NSG1: variants seen among roughly 807,000 people sequenced by gnomAD.
NSG1 encodes neuronal vesicle trafficking associated 1.
NSG1 carries 9 observed loss-of-function variants against 19.3 expected under a neutral mutation model. That is an observed-to-expected ratio of 0.47 (90% CI 0.28 to 0.81). The LOEUF (loss-of-function observed/expected upper bound fraction) is 0.81, where lower values mean the gene tolerates loss of function less well. Ranked by LOEUF, NSG1 falls within the 40% of genes least tolerant of loss-of-function variation. NSG1 has a pLI of 0.11. For synonymous variants in NSG1, 104 were observed against 107.0 expected, an observed-to-expected ratio of 0.97 and a Z score of 0.17; for missense variants, 236 against 242.4, an observed-to-expected ratio of 0.97 and a Z score of 0.18.
intron 4 of NSG1, among the ~76,000 whole-genome samples, chr4:4,416,706 C>G (rs1000101417): frequency 7.9e-5 from 12 of 152,030 alleles, no homozygotes; most frequent in African/African-American, 2.2e-4. Flanking sequence ...CTTCCCAGCC[C>G]CTAGTCATGA....
intron 4 of NSG1, among the ~76,000 whole-genome samples, chr4:4,411,786 A>ACACAACACAACACAAAACAAAACAC (rs1553819761): frequency 7.0e-6 from 1 of 141,936 alleles, no homozygotes; most frequent in Non-Finnish European, 1.6e-5. Context: ...AACAAAACAA[A>ACACAACACAACACAAAACAAAACAC]ACAAAACATT....
chr4:4,411,766 A>ACACAAC (rs1560147679), intron 4 of NSG1, among the ~76,000 whole-genome samples: 2 of 112,194 alleles, frequency 1.8e-5, no homozygotes, highest in African/African-American at 1.2e-4. Flanking sequence ...AACAAAACAA[A>ACACAAC]ACAAAACAAA....
chr4:4,415,821 T>G (rs1326307666), intron 4 of NSG1: 8 of 397,102 alleles, frequency 2.0e-5, no homozygotes, highest in Non-Finnish European at 3.7e-5. Flanking sequence ...CCCTGAGGGA[T>G]GACGAGCAGC....
chr4:4,401,251 C>CAG, intron 3 of NSG1, among the ~76,000 whole-genome samples: 1 of 152,236 alleles, frequency 6.6e-6, no homozygotes, highest in African/African-American at 2.4e-5. Context: ...TGGTAGGCAT[C>CAG]TGTCCTTCAG....
At chr4:4,416,168 G>T (rs2093987083) in intron 4 of NSG1, 1 of 702,324 alleles carries the variant, frequency 1.4e-6, no homozygotes, top group Non-Finnish European at 2.6e-6. Context: ...AGGGACCTGA[G>T]ATTGAGAGAG....
chr4:4,402,047 ATTT>A (rs35299425), intron 3 of NSG1, among the ~76,000 whole-genome samples: 1,821 of 122,304 alleles, frequency 0.015, 31 homozygotes, highest in African/African-American at 0.044. Flanking sequence ...TGCCCAGCTA[ATTT>A]TTTTTTTTTT....
At chr4:4,413,956 G>C (rs1375174574) in intron 4 of NSG1, among the ~76,000 whole-genome samples, 4 of 152,096 alleles carry the variant, frequency 2.6e-5, no homozygotes, top group African/African-American at 9.7e-5. Context: ...ATGTCATGGA[G>C]AGGGAGCACG....
intron 4 of NSG1, among the ~76,000 whole-genome samples, chr4:4,415,307 G>A (rs1468746111): frequency 2.6e-5 from 4 of 152,146 alleles, no homozygotes; most frequent in Non-Finnish European, 5.9e-5. Flanking sequence ...AGACAGGTCC[G>A]TCATCAGCTT....
At chr4:4,415,869 G>A in intron 4 of NSG1, 1 of 536,504 alleles carries the variant, frequency 1.9e-6, no homozygotes. Flanking sequence ...TGGCGGTGAG[G>A]CTGGAGGGGA....
At chr4:4,403,765 C>T (rs1723697415) in intron 3 of NSG1, among the ~76,000 whole-genome samples, 1 of 152,198 alleles carries the variant, frequency 6.6e-6, no homozygotes. Context: ...AGTAATACTG[C>T]CTTGCAGGTG....
chr4:4,398,248 C>T (rs913695279), intron 3 of NSG1, among the ~76,000 whole-genome samples: 8 of 152,186 alleles, frequency 5.3e-5, no homozygotes, highest in African/African-American at 9.7e-5. Flanking sequence ...CCACCACGCC[C>T]GGCTTGGCCC....
Position 4,391,510 on chromosome 4 carries a change from C to T in NSG1, c.165C>T (p.Asp55=), listed in dbSNP as rs1298782205. 5 of 1,613,278 alleles carry T rather than the reference C, an allele frequency of 3.1e-6. No individual in the cohort carries two copies. In the Admixed American group the frequency reaches 8.4e-5, roughly 27 times the overall value. The change falls in exon 3 of 5, where the codon GAC becomes GAT. Residue 55 remains aspartate, a synonymous_variant. Transcript: ENST00000621129. ...VVKTKTEYEP[D]RKKGKARPPQ... The stretch of plus-strand genomic sequence containing the variant: ...AAACTAAGACCGAGTATGAACCTGA[C>T]CGCAAGAAAGGGAAAGCACGTCCTC...
Position 4,402,501 on chromosome 4 carries a change from C to A in NSG1, c.247-7072C>A, listed in dbSNP as rs965454232. On this transcript the variant is annotated intron_variant, in intron 3 of 4. Coordinates refer to ENST00000621129, the MANE Select transcript of NSG1 (RefSeq NM_014392.5). ...CTTCCGGGTTCACGCCATTCTCCTG[C>A]CTCAGCCTCCCAAGTAGCTGGGACT... Among the ~76,000 whole-genome samples, 14 of 150,958 alleles carry A rather than the reference C, an allele frequency of 9.3e-5. No individual in the cohort carries two copies. In the South Asian group the frequency reaches 1.0e-3, roughly 11 times the overall value.
At chr4:4,412,494 G>T (rs1724264529) in intron 4 of NSG1, among the ~76,000 whole-genome samples, 2 of 151,920 alleles carry the variant, frequency 1.3e-5, no homozygotes, top group South Asian at 2.1e-4. Flanking sequence ...TAATGAGGGG[G>T]TGTCCTTTCC....
chr4:4,392,332 A>G (rs1413669732), intron 3 of NSG1, among the ~76,000 whole-genome samples: 1 of 152,046 alleles, frequency 6.6e-6, no homozygotes, highest in African/African-American at 2.4e-5. Flanking sequence ...TGAGAGAGAG[A>G]GAGTAAAGCG....
intron 3 of NSG1, among the ~76,000 whole-genome samples, chr4:4,395,650 C>T (rs1031773744): frequency 6.6e-6 from 1 of 152,148 alleles, no homozygotes; most frequent in African/African-American, 2.4e-5. Context: ...TACCCCCCTG[C>T]CAGGGCCCAG....
chr4:4,400,052 C>T (rs58467872), intron 3 of NSG1, among the ~76,000 whole-genome samples: 36 of 152,358 alleles, frequency 2.4e-4, no homozygotes, highest in African/African-American at 7.7e-4. Flanking sequence ...ACACCATTGC[C>T]AAATCACATG....
rs899855420 is a variant in NSG1, at chr4:4,407,097, T to C, written c.247-2476T>C. ...GGGAGCAGCCTGGCTCCATCCTGTCTGTGTCCCTTGTCAGGCACAGGCTCC... is the reference window on the plus strand; with the variant it reads ...GGGAGCAGCCTGGCTCCATCCTGTCCGTGTCCCTTGTCAGGCACAGGCTCC... On this transcript the variant is annotated intron_variant, in intron 3 of 4. Coordinates refer to ENST00000621129, the MANE Select transcript of NSG1 (RefSeq NM_014392.5). Among the ~76,000 whole-genome samples, 5 of 152,226 alleles carry C rather than the reference T, an allele frequency of 3.3e-5. No individual in the cohort carries two copies. The East Asian group carries it at 5.8e-4, about 18-fold the overall frequency.
At chr4:4,405,857 G>T (rs999441760) in intron 3 of NSG1, among the ~76,000 whole-genome samples, 2 of 152,186 alleles carry the variant, frequency 1.3e-5, no homozygotes, top group Admixed American at 6.5e-5. Flanking sequence ...TGGAGGAAAG[G>T]CTTGGCCAGG....
Sources: gnomAD v4.1 joint callset for allele counts (sites outside exome capture counted in the v4.1 genomes callset) on GRCh38, gnomAD v4.1.1 for gene constraint, MANE v1.5 for transcripts, NCBI Gene and HGNC (gene_info 2026-07-23, HGNC 2026-07-21) for gene names.